The following ZNF662 variants were observed in gnomAD, a reference collection of about 807,000 sequenced individuals.
The protein encoded by ZNF662 is zinc finger protein 662.
A neutral mutation model predicts 12.4 loss-of-function variants in ZNF662; 14 were observed. The ratio of observed to expected loss-of-function variants is 1.13; its 90% CI spans 0.75 to 1.77. The LOEUF is 1.77. Among genes scored for constraint, ZNF662 ranks in the 40% most tolerant of loss-of-function variants. ZNF662 has a pLI of 0.00. For missense variants in ZNF662, 550 were observed against 515.6 expected (o/e 1.07, Z -0.65); for synonymous variants, 184 against 176.4 (o/e 1.04, Z -0.34).
At chr3:42,910,881 T>C (rs2088777919) in intron 3 of ZNF662, among the ~76,000 whole-genome samples, 1 of 152,216 alleles carries the variant, frequency 6.6e-6, no homozygotes, top group Admixed American at 6.5e-5. Flanking sequence ...TCAAACTGGC[T>C]TAAACAAAAA....
chr3:42,910,081 G>C (rs1011830067), intron 3 of ZNF662, among the ~76,000 whole-genome samples: 1 of 152,178 alleles, frequency 6.6e-6, no homozygotes, highest in South Asian at 2.1e-4. Context: ...CTGAGTGATC[G>C]AGACTCTGTC....
At chr3:42,909,220 T>C (rs917408169) in intron 3 of ZNF662, among the ~76,000 whole-genome samples, 5 of 152,172 alleles carry the variant, frequency 3.3e-5, no homozygotes, top group East Asian at 1.9e-4. Flanking sequence ...CCGCCTTCCG[T>C]AGTGTTTGTG....
At chr3:42,911,440 C>T (rs1052491637) in intron 3 of ZNF662, among the ~76,000 whole-genome samples, 18 of 152,204 alleles carry the variant, frequency 1.2e-4, no homozygotes, top group Admixed American at 5.2e-4. Context: ...CTCTCCTCAC[C>T]ACCTAAGGGA....
At chr3:42,907,135 G>A (rs1310730944) in intron 1 of ZNF662, among the ~76,000 whole-genome samples, 2 of 152,162 alleles carry the variant, frequency 1.3e-5, no homozygotes, top group Admixed American at 1.3e-4. Context: ...TGAGAATTAC[G>A]GGAAGTCCCA....
At chr3:42,909,300 A>T (rs538664034) in intron 3 of ZNF662, among the ~76,000 whole-genome samples, 5 of 152,188 alleles carry the variant, frequency 3.3e-5, no homozygotes, top group Non-Finnish European at 5.9e-5. Flanking sequence ...GCATCTGTTT[A>T]ACAAAGCACA....
chr3:42,914,962 A>T lies in ZNF662; in HGVS notation c.889A>T (p.Ile297Phe), dbSNP rs117564813. 2.5e-6 allele frequency: 4 copies of T among 1,614,026 alleles called. No homozygotes were observed. The highest frequency in any genetic ancestry group is 3.4e-6 in the Non-Finnish European group (4 of 1,180,026). The change falls in exon 5 of 5, where the codon ATC (isoleucine) becomes TTC (phenylalanine). Residue 297 changes from isoleucine to phenylalanine, a missense_variant. Physicochemically the swap from Ile to Phe is conservative, Grantham distance 21. Transcript: ENST00000440367. The part of the protein sequence containing the change: ...QNTSLTQHQR[I>F]HTGEKPYTCK... ...CACAAGCCTTACGCAACATCAACGG[A>T]TCCACACTGGTGAGAAACCATACAC... is the stretch of plus-strand genomic sequence containing the variant.
rs2088917392 is a variant in ZNF662, at chr3:42,918,466, G to C, written c.*3112G>C. Among the ~76,000 whole-genome samples, 1 of 152,158 alleles carries C rather than the reference G, an allele frequency of 6.6e-6. No individual in the cohort carries two copies. The highest frequency in any genetic ancestry group is 2.4e-5 in the African/African-American group (1 of 41,428). On this transcript the variant is annotated 3_prime_UTR_variant, in exon 5 of 5. Coordinates refer to ENST00000440367, the MANE Select transcript of ZNF662 (RefSeq NM_207404.4). The stretch of plus-strand genomic sequence containing the variant: ...ACCCCGTTCTCCCAGTGTGCAGGCA[G>C]GCCCTTAGTCTGAGCCACTCCACAT...
intron 3 of ZNF662, chr3:42,912,023 G>A (rs2125644368): frequency 1.3e-5 from 2 of 151,736 alleles, no homozygotes; most frequent in Non-Finnish European, 2.9e-5. Context: ...CTAGGGATAG[G>A]TGAAGAAGAG....
In ZNF662 at chr3:42,917,364, C is replaced by T; in HGVS notation, c.*2010C>T. The T allele has an allele frequency of 1.6e-6, 1 of 609,342 alleles. No homozygotes were observed. The allele number at this position is 609,342 out of a possible 1,614,324, so 37.7% of individuals were successfully genotyped here. A position where few individuals can be genotyped will look rare whatever the true frequency, so the allele number is the denominator to read the frequency against. On this transcript the variant is annotated 3_prime_UTR_variant, in exon 5 of 5. Transcript: ENST00000440367. ...GAGGCTTTTCTTCATCGAGAGCTAC[C>T]AGAGGAGATATTATCTGTCCTCTGT...
At chr3:42,909,204 G>T (rs1032656095) in intron 3 of ZNF662, among the ~76,000 whole-genome samples, 1 of 152,176 alleles carries the variant, frequency 6.6e-6, no homozygotes, top group African/African-American at 2.4e-5. Flanking sequence ...TAGGCAGAGG[G>T]CCCTGCCGCC....
chr3:42,914,811 A>G lies in ZNF662; in HGVS notation c.738A>G (p.Lys246=). The G allele has an allele frequency of 1.9e-6, 3 of 1,613,786 alleles. No homozygotes were observed. Among genetic ancestry groups the G allele is most frequent in the Non-Finnish European group, 8.5e-7 (1 of 1,179,926 alleles). Residue 246 remains lysine (K), a synonymous_variant, in exon 5 of 5, where the codon AAA becomes AAG. Coordinates refer to ENST00000440367, the MANE Select transcript of ZNF662 (RefSeq NM_207404.4). ...IAHQRIHSGV[K]PYECQECAKA... ...ATCAGAGAATTCACAGTGGGGTGAA[A>G]CCCTATGAATGTCAAGAATGTGCTA...
chr3:42,910,644 G>T (rs1015593855), intron 3 of ZNF662, among the ~76,000 whole-genome samples: 1 of 152,024 alleles, frequency 6.6e-6, no homozygotes, highest in Non-Finnish European at 1.5e-5. Context: ...TATTCCTCAG[G>T]GGAAAACCCT....
intron 3 of ZNF662, among the ~76,000 whole-genome samples, chr3:42,912,493 A>T (rs1174662585): frequency 6.7e-5 from 2 of 29,934 alleles, no homozygotes; most frequent in Non-Finnish European, 1.2e-4. Flanking sequence ...TTTAATATAT[A>T]TTTATATATT....
rs2088906145 is a variant in ZNF662, at chr3:42,917,430, T to A, written c.*2076T>A. ...ATGTGAGACCTAGAATTATAGCAACTTTTTTTTTCTGTTAAAAGGGGAGAT... is the reference window on the plus strand; with the variant it reads ...ATGTGAGACCTAGAATTATAGCAACATTTTTTTTCTGTTAAAAGGGGAGAT... On this transcript the variant is annotated 3_prime_UTR_variant, in exon 5 of 5. Transcript: ENST00000440367. The A allele has an allele frequency of 1.5e-6, 1 of 664,652 alleles. No homozygotes were observed. 41.2% of individuals were successfully genotyped at this position (664,652 alleles called of 1,614,324 possible). A position where few individuals can be genotyped will look rare whatever the true frequency, so the allele number is the denominator to read the frequency against.
In ZNF662 at chr3:42,906,611, G is replaced by T. The variant is rs1220764083; in HGVS notation, c.-94+443G>T. 1.3e-5 allele frequency among the ~76,000 whole-genome samples: 2 copies of T among 152,342 alleles called. No individual in the cohort carries two copies. The highest frequency in any genetic ancestry group is 3.9e-4 in the East Asian group (2 of 5,176). ...CCCCTGGACCTGAGCCTCAAGGAGA[G>T]CAGACGTGCAGCGGCACGGGGTTGA... On this transcript the variant is annotated intron_variant, in intron 1 of 4. Transcript: ENST00000440367. This position sits in a 1 kb window ranked among gnomAD's most constrained non-coding sequence, Gnocchi z 4.4.
At position 42,915,603 on chromosome 3, in the gene ZNF662, A is replaced by G; in HGVS notation, c.*249A>G. On this transcript the variant is annotated 3_prime_UTR_variant, in exon 5 of 5. Transcript: ENST00000440367. ...AACCACTTTACATACATTAATTTGC[A>G]TAACAATCCTATTAAGGTAGGTGCT... 2.5e-6 allele frequency: 1 copy of G among 398,910 alleles called. No individual in the cohort carries two copies. Among genetic ancestry groups the G allele is most frequent in the Non-Finnish European group, 4.4e-6 (1 of 225,590 alleles). 24.7% of individuals were successfully genotyped at this position (398,910 alleles called of 1,614,324 possible). A position where few individuals can be genotyped will look rare whatever the true frequency, so the allele number is the denominator to read the frequency against.
Position 42,914,873 on chromosome 3 carries a change from A to G in ZNF662, c.800A>G (p.Gln267Arg), listed in dbSNP as rs764672986. 34 of 1,614,106 alleles carry G rather than the reference A, an allele frequency of 2.1e-5. No homozygotes were observed. Among genetic ancestry groups the G allele is most frequent in the Non-Finnish European group, 2.8e-5 (33 of 1,180,048 alleles). Reference sequence around the variant, plus strand: ...TGGAAGTCAAACCTGATTCGTCACCAGAGAATACATACTGGAGAGAAACCC... The same window carrying G: ...TGGAAGTCAAACCTGATTCGTCACCGGAGAATACATACTGGAGAGAAACCC... ...FVWKSNLIRHQRIHTGEKPFE... is the reference protein window; with the variant it reads ...FVWKSNLIRHRRIHTGEKPFE... The change falls in exon 5 of 5, where the codon CAG (glutamine) becomes CGG (arginine). Residue 267 changes from glutamine (Q) to arginine (R), a missense_variant. Gln to Arg is a conservative substitution (Grantham distance 43, BLOSUM62 1). Coordinates refer to ENST00000440367, the MANE Select transcript of ZNF662 (RefSeq NM_207404.4).
Position 42,914,348 on chromosome 3 carries a change from A to G in ZNF662, c.275A>G (p.Lys92Arg). Residue 92 changes from lysine to arginine, a missense_variant, in exon 5 of 5, where the codon AAA (lysine) becomes AGA (arginine). By Grantham distance (26) the Lys-to-Arg change is conservative (BLOSUM62 2). Coordinates refer to ENST00000440367, the MANE Select transcript of ZNF662 (RefSeq NM_207404.4). Reference protein sequence around the residue: ...ICPEGVLKRKKEDFILKEEII... With the variant: ...ICPEGVLKRKREDFILKEEII... ...TCAGAGGGTGTGTTGAAGAGGAAGA[A>G]AGAAGATTTTATTCTGAAGGAGGAA... 2 of 1,584,020 alleles carry G rather than the reference A, an allele frequency of 1.3e-6. No homozygotes were observed. The highest frequency in any genetic ancestry group is 1.7e-6 in the Non-Finnish European group (2 of 1,159,542).
chr3:42,907,629 A>G, intron 1 of ZNF662: 1 of 952,186 alleles, frequency 1.1e-6, no homozygotes, highest in Non-Finnish European at 1.3e-6. Context: ...CAAAGAATAT[A>G]TGTCAAGTGC....
Sources: allele counts gnomAD v4.1 joint callset (sites outside exome capture counted in the v4.1 genomes callset), GRCh38; gene constraint gnomAD v4.1.1; non-coding constraint Gnocchi (gnomAD v3.1); transcripts MANE v1.5; gene names NCBI Gene and HGNC (gene_info 2026-07-23, HGNC 2026-07-21).